LRBA: variants seen among roughly 807,000 people sequenced by gnomAD.
LRBA encodes the protein LPS responsive beige-like anchor protein.
LRBA carries 176 observed loss-of-function variants against 330.0 expected under a neutral mutation model. That is an observed-to-expected ratio of 0.53 (90% CI 0.47 to 0.60). LRBA has a LOEUF of 0.60. Among genes scored for constraint, LRBA ranks in the 20% least tolerant of loss-of-function variants. The pLI is 0.00. For synonymous variants in LRBA, 1,230 were observed against 1,193.0 expected (o/e 1.03, Z -0.64); for missense variants, 3,259 against 3,444.8 (o/e 0.95, Z 1.35).
chr4:150,942,670 T>C (rs1735806093), intron 2 of LRBA, among the ~76,000 whole-genome samples: 1 of 152,122 alleles, frequency 6.6e-6, no homozygotes, highest in African/African-American at 2.4e-5. Flanking sequence ...CTCACAATCA[T>C]ATAAGATTTC....
chr4:150,771,491 A>G (rs1387407063), intron 34 of LRBA, among the ~76,000 whole-genome samples: 1 of 152,206 alleles, frequency 6.6e-6, no homozygotes, highest in Non-Finnish European at 1.5e-5. Flanking sequence ...AGGTTGATAA[A>G]GCATTCTGTG....
chr4:150,482,490 T>C (rs1190798481), intron 42 of LRBA, among the ~76,000 whole-genome samples: 1 of 152,104 alleles, frequency 6.6e-6, no homozygotes, highest in Non-Finnish European at 1.5e-5. Context: ...ATGGCTGCTA[T>C]AAATATTCAT....
chr4:150,843,613 A>G (rs918878657), intron 28 of LRBA, among the ~76,000 whole-genome samples: 2 of 152,194 alleles, frequency 1.3e-5, no homozygotes, highest in African/African-American at 4.8e-5. Context: ...AGGAAAAAAT[A>G]TCCAATATTC....
At chr4:150,629,441 C>A (rs541780452) in intron 37 of LRBA, among the ~76,000 whole-genome samples, 2 of 152,040 alleles carry the variant, frequency 1.3e-5, no homozygotes, top group South Asian at 4.1e-4. Context: ...GAGTTCGAGA[C>A]CAGCCTGGCC....
intron 17 of LRBA, among the ~76,000 whole-genome samples, chr4:150,880,168 G>C (rs543062833): frequency 6.6e-6 from 1 of 152,338 alleles, no homozygotes; most frequent in South Asian, 2.1e-4. Flanking sequence ...TCAATAAATA[G>C]TATTGGAATA....
chr4:150,887,147 C>T (rs1398264102), intron 17 of LRBA, among the ~76,000 whole-genome samples: 1 of 151,838 alleles, frequency 6.6e-6, no homozygotes, highest in African/African-American at 2.4e-5. Flanking sequence ...GAGTTCTCAT[C>T]CAAAAATGAA....
At chr4:150,442,630 C>T (rs908196351) in intron 44 of LRBA, among the ~76,000 whole-genome samples, 2 of 152,138 alleles carry the variant, frequency 1.3e-5, no homozygotes, top group Non-Finnish European at 2.9e-5. Flanking sequence ...TTATTTCATT[C>T]TTCCCTAAAA....
chr4:150,915,207 T>C (rs2149487961), intron 8 of LRBA, among the ~76,000 whole-genome samples: 1 of 152,254 alleles, frequency 6.6e-6, no homozygotes, highest in Non-Finnish European at 1.5e-5. Flanking sequence ...TAGATTTATT[T>C]TTGAAACCTG....
intron 36 of LRBA, among the ~76,000 whole-genome samples, chr4:150,699,575 C>T (rs968248863): frequency 7.2e-5 from 11 of 152,054 alleles, no homozygotes; most frequent in African/African-American, 2.7e-4. Flanking sequence ...CATTCAATTT[C>T]CAGAGATTAC....
chr4:150,680,825 C>G (rs1782991236), intron 37 of LRBA, among the ~76,000 whole-genome samples: 1 of 152,120 alleles, frequency 6.6e-6, no homozygotes, highest in Non-Finnish European at 1.5e-5. Context: ...TTTATTAAAA[C>G]CACTGCCGAT....
chr4:150,621,842 G>A (rs1776322717), intron 37 of LRBA, among the ~76,000 whole-genome samples: 1 of 152,132 alleles, frequency 6.6e-6, no homozygotes, highest in Admixed American at 6.5e-5. Context: ...TTGTGCAGTT[G>A]TGCGATGTCT....
chr4:150,435,487 T>A, intron 46 of LRBA, 102 bp downstream of exon 46: 1 of 1,026,010 alleles, frequency 9.7e-7, no homozygotes, highest in African/African-American at 1.6e-5. Flanking sequence ...CTGAGATTTA[T>A]CTTTTGTAAA....
At chr4:150,756,395 AT>A (rs1189423897) in intron 35 of LRBA, among the ~76,000 whole-genome samples, 2 of 152,126 alleles carry the variant, frequency 1.3e-5, no homozygotes, top group African/African-American at 4.8e-5. Flanking sequence ...GAGATACTAA[AT>A]TTTTTTGCAA....
chr4:150,429,312 A>G (rs1033179076), intron 46 of LRBA, among the ~76,000 whole-genome samples: 5 of 152,078 alleles, frequency 3.3e-5, no homozygotes, highest in Non-Finnish European at 7.4e-5. Flanking sequence ...AAGGAAAAGG[A>G]AAATCAAAGG....
intron 53 of LRBA, among the ~76,000 whole-genome samples, chr4:150,286,998 A>G (rs1337419580): frequency 2.6e-5 from 4 of 152,230 alleles, no homozygotes; most frequent in Non-Finnish European, 4.4e-5. Flanking sequence ...AGATACAAAA[A>G]GTCTTTCCAA....
Position 150,775,971 on chromosome 4 carries a change from T to C in LRBA, c.5581-14124A>G, listed in dbSNP as rs545489897. Among the ~76,000 whole-genome samples the C allele has an allele frequency of 3.9e-5, 6 of 152,138 alleles. No homozygotes were observed. The South Asian group carries it at 1.0e-3, about 26-fold the overall frequency. On this transcript the variant is annotated intron_variant, in intron 34 of 56. Coordinates refer to ENST00000651943, the MANE Select transcript of LRBA (RefSeq NM_001364905.1). ...AAAAGAAAGAAAAATATGTAATTCA[T>C]AGTACATTTTTTAGCTCTGGCATAA...
intron 55 of LRBA, among the ~76,000 whole-genome samples, chr4:150,280,798 C>T (rs17688556): frequency 0.085 from 12,968 of 152,246 alleles, 870 homozygotes; most frequent in South Asian, 0.23. Context: ...CTTCCTTCCT[C>T]GCCTCCCGAG....
chr4:150,646,692 G>A (rs542409828), intron 37 of LRBA, among the ~76,000 whole-genome samples: 60 of 152,132 alleles, frequency 3.9e-4, no homozygotes, highest in African/African-American at 1.2e-3. Context: ...TTAGCAGAAG[G>A]AGAAAATGAT....
chr4:150,637,465 T>G (rs1426621637), intron 37 of LRBA, among the ~76,000 whole-genome samples: 1 of 152,236 alleles, frequency 6.6e-6, no homozygotes, highest in Non-Finnish European at 1.5e-5. Context: ...GTTCATGGTC[T>G]TGACAATCCC....
Sources: gnomAD v4.1 joint callset for allele counts (sites outside exome capture counted in the v4.1 genomes callset) on GRCh38, gnomAD v4.1.1 for gene constraint, MANE v1.5 for transcripts, NCBI Gene and HGNC (gene_info 2026-07-23, HGNC 2026-07-21) for gene names.